PSMD2: variants seen among roughly 807,000 people sequenced by gnomAD.
PSMD2 encodes the protein 26S proteasome non-ATPase regulatory subunit 2.
In PSMD2, 8 loss-of-function variants were observed where a neutral mutation model predicts 101.5. The ratio of observed to expected loss-of-function variants is 0.08; its 90% CI spans 0.05 to 0.14. PSMD2 has a LOEUF of 0.14. Ranked by LOEUF, PSMD2 falls within the 10% of genes least tolerant of loss-of-function variation. PSMD2 has a pLI of 1.00. For missense variants in PSMD2, 784 were observed against 1,147.4 expected (o/e 0.68, Z 4.58); for synonymous variants, 418 against 433.8 (o/e 0.96, Z 0.45).
intron 1 of PSMD2, 75 bp from the exon 2 acceptor site, chr3:184,299,776 C>T: frequency 1.6e-6 from 2 of 1,287,268 alleles, no homozygotes; most frequent in Admixed American, 3.4e-5. Flanking sequence ...TTATTCTTCA[C>T]CTGCCCCGGG....
At chr3:184,302,242 AGTT>A in intron 5 of PSMD2, 125 bp from the exon 6 acceptor site, 2 of 1,179,878 alleles carry the variant, frequency 1.7e-6, no homozygotes, top group Non-Finnish European at 2.4e-6. Context: ...TCTTCTTAGT[AGTT>A]CTAACATCTA....
Position 184,306,340 on chromosome 3 carries a change from C to T in PSMD2, c.1805-10C>T. Reference sequence around the variant, plus strand: ...ATTTCTGTCCATTCTCCCTCACCACCCTGACGCAGGCTCTGGGAATGTGCT... The same window carrying T: ...ATTTCTGTCCATTCTCCCTCACCACTCTGACGCAGGCTCTGGGAATGTGCT... On this transcript the variant is annotated splice_polypyrimidine_tract_variant and intron_variant, in intron 14 of 20. Coordinates refer to ENST00000310118, the MANE Select transcript of PSMD2 (RefSeq NM_002808.5). 6.2e-7 allele frequency: 1 copy of T among 1,612,556 alleles called. No homozygotes were observed. The highest frequency in any genetic ancestry group is 1.1e-5 in the South Asian group (1 of 90,956).
intron 12 of PSMD2, among the ~76,000 whole-genome samples, chr3:184,305,141 A>G (rs1326499400): frequency 1.3e-5 from 2 of 152,182 alleles, no homozygotes; most frequent in Admixed American, 6.5e-5. Context: ...ACCTCTGCTT[A>G]TAAGCAGTGT....
Position 184,303,633 on chromosome 3 carries a change from C to T in PSMD2, c.1217-10C>T. 6.2e-7 allele frequency: 1 copy of T among 1,614,012 alleles called. No homozygotes were observed. Among genetic ancestry groups the T allele is most frequent in the Middle Eastern group, 1.6e-4 (1 of 6,062 alleles). On this transcript the variant is annotated splice_polypyrimidine_tract_variant and intron_variant, in intron 9 of 20. Transcript: ENST00000310118. ...CCATTTTAAGACTAATAGATTCTTC[C>T]CTGGTATAGGAATGTTGAGTGCAGC...
In PSMD2 at chr3:184,308,131, G is replaced by A; in HGVS notation, c.2425+115G>A. 1 of 1,361,964 alleles carries A rather than the reference G, an allele frequency of 7.3e-7. No homozygotes were observed. The highest frequency in any genetic ancestry group is 9.9e-7 in the Non-Finnish European group (1 of 1,008,256). 84.4% of individuals were successfully genotyped at this position (1,361,964 alleles called of 1,614,324 possible). On this transcript the variant is annotated intron_variant, in intron 19 of 20. Coordinates refer to ENST00000310118, the MANE Select transcript of PSMD2 (RefSeq NM_002808.5). This position sits in a 1 kb window ranked among gnomAD's most constrained non-coding sequence, Gnocchi z 6.0. Reference sequence around the variant, plus strand: ...CCCAGTTTAGCTCTGTATCGCTCTAGGTTTCTGAGACAGGCTTTGGGCCTG... The same window carrying A: ...CCCAGTTTAGCTCTGTATCGCTCTAAGTTTCTGAGACAGGCTTTGGGCCTG...
chr3:184,301,385 T>G, intron 3 of PSMD2, 152 bp from the exon 4 acceptor site: 3 of 971,766 alleles, frequency 3.1e-6, no homozygotes, highest in Non-Finnish European at 1.5e-6. Context: ...TTGGTTTTTG[T>G]GAGGTTTAGC....
intron 7 of PSMD2, 89 bp downstream of exon 7, chr3:184,302,912 C>T: frequency 6.2e-7 from 1 of 1,610,468 alleles, no homozygotes; most frequent in Non-Finnish European, 8.5e-7. Flanking sequence ...CTAGACTCTC[C>T]TTGATTAGAA....
chr3:184,307,251 CT>C, intron 16 of PSMD2, 105 bp from the exon 17 acceptor site: 1 of 1,313,992 alleles, frequency 7.6e-7, no homozygotes, highest in Non-Finnish European at 1.1e-6. Flanking sequence ...CCTGCTGTGC[CT>C]TTTCTACAGA....
intron 16 of PSMD2, 78 bp downstream of exon 16, chr3:184,306,912 G>A: frequency 8.9e-7 from 1 of 1,119,330 alleles, no homozygotes; most frequent in South Asian, 1.4e-5. Flanking sequence ...TTTCTGATGG[G>A]TTTTCTTGGT....
In PSMD2 at chr3:184,304,245, T is replaced by C. The variant is rs1721747799; in HGVS notation, c.1452-59T>C. ...AATGAATGACCGATTCTCCTTTTGT[T>C]CTTTTCTTGCTGCATCGTTGGGTAT... On this transcript the variant is annotated intron_variant, in intron 11 of 20. Coordinates refer to ENST00000310118, the MANE Select transcript of PSMD2 (RefSeq NM_002808.5). The surrounding 1 kb of genome is among the most constrained non-coding windows in gnomAD (Gnocchi z 4.1). 1.6e-5 allele frequency: 26 copies of C among 1,577,376 alleles called. No homozygotes were observed. Among genetic ancestry groups the C allele is most frequent in the Non-Finnish European group, 2.3e-5 (26 of 1,146,612 alleles).
chr3:184,303,334 G>A lies in PSMD2; in HGVS notation c.1084G>A (p.Gly362Ser), dbSNP rs750986370. 8.7e-6 allele frequency: 14 copies of A among 1,613,320 alleles called. No homozygotes were observed. The South Asian group carries it at 9.9e-5, about 11-fold the overall frequency. Residue 362 changes from glycine (G) to serine (S), a missense_variant, in exon 9 of 21, where the codon GGC (glycine) becomes AGC (serine). Coordinates refer to ENST00000310118, the MANE Select transcript of PSMD2 (RefSeq NM_002808.5). ...TCCTGTTGCAGGGTTTGGGGGCAGTGGCTCTCAGGTGGACTCTGCCCGCAT... is the reference window on the plus strand; with the variant it reads ...TCCTGTTGCAGGGTTTGGGGGCAGTAGCTCTCAGGTGGACTCTGCCCGCAT... ...HLENNRFGGS[G>S]SQVDSARMNL... is the part of the protein sequence containing the mutation.
chr3:184,306,889 C>A, intron 16 of PSMD2, 55 bp downstream of exon 16: 12 of 1,418,888 alleles, frequency 8.5e-6, no homozygotes, highest in Non-Finnish European at 1.1e-5. Context: ...CCTGGGGTTC[C>A]CCAGGGAAGA....
chr3:184,300,563 G>T, intron 3 of PSMD2, 119 bp downstream of exon 3: 3 of 1,464,076 alleles, frequency 2.0e-6, no homozygotes, highest in Non-Finnish European at 2.7e-6. Context: ...ATCTATTTGA[G>T]CAGAGTTCAT....
chr3:184,308,691 A>G lies in PSMD2; in HGVS notation c.2545-17A>G. ...CGCTACTTTTCCATCTCTCTTTTCA[A>G]TTTTCTTACCCTACAGGCAGTGGAT... On this transcript the variant is annotated splice_polypyrimidine_tract_variant and intron_variant, in intron 20 of 20. Transcript: ENST00000310118. The surrounding 1 kb of genome is among the most constrained non-coding windows in gnomAD (Gnocchi z 6.0). 1 of 1,605,098 alleles carries G rather than the reference A, an allele frequency of 6.2e-7. No homozygotes were observed. The highest frequency in any genetic ancestry group is 8.5e-7 in the Non-Finnish European group (1 of 1,173,544).
chr3:184,305,487 C>CA (rs200304556), intron 12 of PSMD2, among the ~76,000 whole-genome samples: 4,627 of 111,808 alleles, frequency 0.041, 128 homozygotes, highest in African/African-American at 0.1. Flanking sequence ...GACTCTGTCT[C>CA]AAAAAAAAAA....
intron 18 of PSMD2, 42 bp downstream of exon 18, chr3:184,307,750 T>C (rs1487651591): frequency 5.0e-6 from 8 of 1,607,480 alleles, no homozygotes; most frequent in South Asian, 1.1e-5. Flanking sequence ...CGGGGAAGTA[T>C]CTGTGGTGAT....
chr3:184,306,734 T>G lies in PSMD2; in HGVS notation c.1951-17T>G, dbSNP rs1721843866. On this transcript the variant is annotated splice_polypyrimidine_tract_variant and intron_variant, in intron 15 of 20. Coordinates refer to ENST00000310118, the MANE Select transcript of PSMD2 (RefSeq NM_002808.5). ...ATTCCTTGAGCTTAATGGGTTCTGC[T>G]CTCTCTTCAATTGCAGGGAGTGGCT... 6.2e-7 allele frequency: 1 copy of G among 1,608,732 alleles called. No individual in the cohort carries two copies. The highest frequency in any genetic ancestry group is 1.7e-5 in the Admixed American group (1 of 59,386).
Position 184,308,564 on chromosome 3 carries a change from C to T in PSMD2, c.2541C>T (p.Gly847=). ...LRPLPVSVRV[G]QAVDVVGQAG... is the part of the protein sequence containing the mutation. Reference sequence around the variant, plus strand: ...CATTGCCAGTGTCTGTCCGTGTGGGCCAGGTGAGAGGCTGAGTAGAGGGGA... The same window carrying T: ...CATTGCCAGTGTCTGTCCGTGTGGGTCAGGTGAGAGGCTGAGTAGAGGGGA... The change falls in exon 20 of 21, where the codon GGC becomes GGT. Residue 847 remains glycine (G), a synonymous_variant. Transcript: ENST00000310118. The surrounding 1 kb of genome is among the most constrained non-coding windows in gnomAD (Gnocchi z 6.0). 2 of 1,612,452 alleles carry T rather than the reference C, an allele frequency of 1.2e-6. No homozygotes were observed. The highest frequency in any genetic ancestry group is 2.2e-5 in the East Asian group (1 of 44,874).
chr3:184,300,293 C>G lies in PSMD2; in HGVS notation c.206C>G (p.Ser69Cys). The stretch of plus-strand genomic sequence containing the variant: ...TCTCTTGATCAGGAGAAGGATACAT[C>G]CCTGTATCGACCAGCGCTGGAGGAA... ...LVERLGEKDTSLYRPALEELR... is the reference protein window; with the variant it reads ...LVERLGEKDTCLYRPALEELR... Residue 69 changes from serine to cysteine, a missense_variant, in exon 3 of 21, where the codon TCC becomes TGC. Coordinates refer to ENST00000310118, the MANE Select transcript of PSMD2 (RefSeq NM_002808.5). The G allele has an allele frequency of 5.6e-6, 9 of 1,613,698 alleles. No homozygotes were observed. The highest frequency in any genetic ancestry group is 7.6e-6 in the Non-Finnish European group (9 of 1,179,668).
Sources: gnomAD v4.1 joint callset for allele counts (sites outside exome capture counted in the v4.1 genomes callset) on GRCh38, gnomAD v4.1.1 for gene constraint, Gnocchi (gnomAD v3.1) non-coding constraint, MANE v1.5 for transcripts, NCBI Gene and HGNC (gene_info 2026-07-23, HGNC 2026-07-21) for gene names.